Variants in LRP12 observed in about 807,000 individuals in gnomAD.
LRP12 encodes LDL receptor related protein 12.
In LRP12, 14 loss-of-function variants were observed where a neutral mutation model predicts 66.0. The observed-to-expected ratio is 0.21, with a 90% CI of 0.14 to 0.33. The LOEUF is 0.33. LRP12 is among the 10% of genes least tolerant of loss of function. LRP12 has a pLI of 1.00. For missense variants in LRP12, 889 were observed against 1,053.4 expected (o/e 0.84, Z 2.16); for synonymous variants, 357 against 359.1 (o/e 0.99, Z 0.07).
intron 2 of LRP12, among the ~76,000 whole-genome samples, chr8:104,529,181 C>T (rs1811290205): frequency 6.6e-6 from 1 of 151,126 alleles, no homozygotes; most frequent in African/African-American, 2.5e-5. Context: ...GACTGGTGTC[C>T]TTATAAGAAG....
chr8:104,505,332 T>C (rs758055245), intron 3 of LRP12: 14 of 152,172 alleles, frequency 9.2e-5, no homozygotes, highest in Non-Finnish European at 1.9e-4. Context: ...AGACATTCTG[T>C]ATTAGTTTTG....
At chr8:104,533,426 G>C (rs1811354753) in intron 1 of LRP12, among the ~76,000 whole-genome samples, 1 of 152,078 alleles carries the variant, frequency 6.6e-6, no homozygotes, top group Non-Finnish European at 1.5e-5. Flanking sequence ...GAGTAGACTA[G>C]CAGTACTGGC....
At chr8:104,582,720 A>T (rs1284516565) in intron 1 of LRP12, among the ~76,000 whole-genome samples, 1 of 152,096 alleles carries the variant, frequency 6.6e-6, no homozygotes, top group African/African-American at 2.4e-5. Flanking sequence ...CATCTGCTGT[A>T]CAACTATTCA....
In LRP12 at chr8:104,588,979, C is replaced by CCGA; in HGVS notation, c.-83_-82insTCG. ...GAGGTAGACGACGCCGACGCCGCCG[C>CCGA]CGCCGCCGCCGCCGCCGCCGAGCCA... On this transcript the variant is annotated 5_prime_UTR_variant, in exon 1 of 7. Transcript: ENST00000276654. 2 of 728,708 alleles carry CCGA rather than the reference C, an allele frequency of 2.7e-6. No individual in the cohort carries two copies. Among genetic ancestry groups the CCGA allele is most frequent in the Non-Finnish European group, 4.2e-6 (2 of 472,434 alleles). The allele number at this position is 728,708 out of a possible 1,614,324, so 45.1% of individuals were successfully genotyped here.
chr8:104,495,457 A>C, intron 5 of LRP12: 1 of 367,756 alleles, frequency 2.7e-6, no homozygotes, highest in Non-Finnish European at 4.9e-6. Flanking sequence ...TTAATAAATG[A>C]AAATCCCTGT....
intron 3 of LRP12, among the ~76,000 whole-genome samples, chr8:104,502,659 A>G (rs1810847112): frequency 6.6e-6 from 1 of 152,146 alleles, no homozygotes; most frequent in Admixed American, 6.5e-5. Flanking sequence ...TCAGGGGTGG[A>G]ATACTCTCCA....
chr8:104,531,029 A>G (rs1046339715), intron 2 of LRP12, among the ~76,000 whole-genome samples: 4 of 152,148 alleles, frequency 2.6e-5, no homozygotes, highest in Non-Finnish European at 5.9e-5. Context: ...TGTTAAGTCT[A>G]TTAACTTTCT....
intron 1 of LRP12, among the ~76,000 whole-genome samples, chr8:104,573,756 AG>A (rs1343906537): frequency 6.6e-6 from 1 of 151,984 alleles, no homozygotes; most frequent in African/African-American, 2.4e-5. Context: ...AACAAAAAAA[AG>A]ATCGTAAGTG....
intron 2 of LRP12, among the ~76,000 whole-genome samples, chr8:104,523,947 A>T (rs1282623147): frequency 6.6e-6 from 1 of 152,064 alleles, no homozygotes; most frequent in Non-Finnish European, 1.5e-5. Context: ...AGCTAACTTT[A>T]AGAATACAGC....
chr8:104,549,853 T>C (rs1811700925), intron 1 of LRP12, among the ~76,000 whole-genome samples: 1 of 152,180 alleles, frequency 6.6e-6, no homozygotes, highest in Admixed American at 6.5e-5. Context: ...GAAAACTCTA[T>C]CAGCCCTCCA....
At chr8:104,549,094 T>A (rs1054713882) in intron 1 of LRP12, among the ~76,000 whole-genome samples, 6 of 152,140 alleles carry the variant, frequency 3.9e-5, no homozygotes, top group African/African-American at 1.4e-4. Flanking sequence ...TTCCTCTCTT[T>A]TGGTTCCCTT....
chr8:104,535,048 A>C (rs865856981), intron 1 of LRP12, among the ~76,000 whole-genome samples: 3 of 152,048 alleles, frequency 2.0e-5, no homozygotes, highest in African/African-American at 4.8e-5. Flanking sequence ...AAGTCTGATA[A>C]AACATTACTT....
chr8:104,546,224 G>T (rs1811554244), intron 1 of LRP12, among the ~76,000 whole-genome samples: 1 of 152,048 alleles, frequency 6.6e-6, no homozygotes, highest in Admixed American at 6.6e-5. Context: ...AAAAGGGAAA[G>T]GCAGTTATCT....
At chr8:104,584,819 GAAGT>G (rs1468027571) in intron 1 of LRP12, among the ~76,000 whole-genome samples, 1 of 152,154 alleles carries the variant, frequency 6.6e-6, no homozygotes, top group Non-Finnish European at 1.5e-5. Context: ...GACTTTGTAA[GAAGT>G]AATTGGTATC....
rs180907109 is a variant in LRP12, at chr8:104,559,898, A to G, written c.80-27935T>C. Among the ~76,000 whole-genome samples, 5 of 152,314 alleles carry G rather than the reference A, an allele frequency of 3.3e-5. No individual in the cohort carries two copies. In the East Asian group the frequency reaches 9.7e-4, roughly 29 times the overall value. On this transcript the variant is annotated intron_variant, in intron 1 of 6. Transcript: ENST00000276654. Reference sequence around the variant, plus strand: ...ATTTAATTAGCATGTATCTGTTGCTATACTATGTACTTTCCCAAATTTTAA... The same window carrying G: ...ATTTAATTAGCATGTATCTGTTGCTGTACTATGTACTTTCCCAAATTTTAA...
intron 1 of LRP12, among the ~76,000 whole-genome samples, chr8:104,558,313 T>C (rs900304901): frequency 2.6e-5 from 4 of 151,650 alleles, no homozygotes; most frequent in African/African-American, 9.7e-5. Context: ...TTACAGTCAA[T>C]TGATCTTTGA....
At chr8:104,578,855 G>C (rs543242758) in intron 1 of LRP12, among the ~76,000 whole-genome samples, 15 of 152,204 alleles carry the variant, frequency 9.9e-5, no homozygotes, top group African/African-American at 3.6e-4. Flanking sequence ...GATGCAGAAA[G>C]GGCTTTTGAT....
At chr8:104,494,343 T>C (rs559836304) in intron 6 of LRP12, among the ~76,000 whole-genome samples, 2 of 152,322 alleles carry the variant, frequency 1.3e-5, no homozygotes, top group African/African-American at 2.4e-5. Context: ...AATAAGGTGA[T>C]AGACTGTAAT....
At chr8:104,574,685 G>A (rs1002349857) in intron 1 of LRP12, among the ~76,000 whole-genome samples, 4 of 152,076 alleles carry the variant, frequency 2.6e-5, no homozygotes, top group Admixed American at 6.5e-5. Context: ...AATTTACAAC[G>A]GATTTTGAAG....
Sources: allele counts gnomAD v4.1 joint callset (sites outside exome capture counted in the v4.1 genomes callset), GRCh38; gene constraint gnomAD v4.1.1; transcripts MANE v1.5; gene names NCBI Gene and HGNC (gene_info 2026-07-23, HGNC 2026-07-21).